The following AGO4 variants were observed in gnomAD, a reference collection of about 807,000 sequenced individuals.
AGO4 encodes the protein argonaute RISC component 4, also known as protein argonaute-4.
AGO4 carries 33 observed loss-of-function variants against 104.7 expected under a neutral mutation model. That is an observed-to-expected ratio of 0.32 (90% CI 0.24 to 0.42). AGO4 has a LOEUF of 0.42. Ranked by LOEUF, AGO4 falls within the 10% of genes least tolerant of loss-of-function variation. The pLI, the probability that AGO4 is intolerant of heterozygous loss-of-function variation, is 1.00. For missense variants in AGO4, 711 were observed against 1,083.4 expected, an observed-to-expected ratio of 0.66 and a Z score of 4.83; for synonymous variants, 331 against 364.7, an observed-to-expected ratio of 0.91 and a Z score of 1.05.
Position 35,855,030 on chromosome 1 carries a change from A to G in AGO4, c.*1425A>G, listed in dbSNP as rs1008222142. ...TGCTCTAAAGCGAGCATCAGTTAAA[A>G]TGTAGGGGAAAATGTATTCTGTATG... On this transcript the variant is annotated 3_prime_UTR_variant, in exon 18 of 18. Coordinates refer to ENST00000373210, the MANE Select transcript of AGO4 (RefSeq NM_017629.4). 7.9e-5 allele frequency: 12 copies of G among 152,672 alleles called. No individual in the cohort carries two copies. The highest frequency in any genetic ancestry group is 2.7e-4 in the African/African-American group (11 of 41,468). The allele number at this position is 152,672 out of a possible 1,614,324, so 9.5% of individuals were successfully genotyped here. A position where few individuals can be genotyped will look rare whatever the true frequency, so the allele number is the denominator to read the frequency against.
chr1:35,810,771 T>C (rs1643473979), intron 1 of AGO4, among the ~76,000 whole-genome samples: 1 of 152,136 alleles, frequency 6.6e-6, no homozygotes, highest in Non-Finnish European at 1.5e-5. Flanking sequence ...CTTCATCTGT[T>C]CTATGTTGTC....
chr1:35,811,512 CACTA>C lies in AGO4; in HGVS notation c.19+3082_19+3085del, dbSNP rs560647723. The stretch of plus-strand genomic sequence containing the variant: ...ACCAACCACCTCAGGGACCTTTGAG[CACTA>C]ACTATGATTATAACGTTTACAAATG... On this transcript the variant is annotated intron_variant, in intron 1 of 17. Coordinates refer to ENST00000373210, the MANE Select transcript of AGO4 (RefSeq NM_017629.4). 1.4e-4 allele frequency among the ~76,000 whole-genome samples: 21 copies of C among 151,756 alleles called. No individual in the cohort carries two copies. The South Asian group carries it at 4.2e-3, about 30-fold the overall frequency.
intron 2 of AGO4, among the ~76,000 whole-genome samples, chr1:35,817,848 C>T (rs548800375): frequency 6.6e-6 from 1 of 152,232 alleles, no homozygotes; most frequent in East Asian, 1.9e-4. Flanking sequence ...TATTGTGTAA[C>T]TGAGATCAAT....
intron 2 of AGO4, among the ~76,000 whole-genome samples, chr1:35,818,644 A>AG (rs1434228927): frequency 9.3e-6 from 1 of 107,482 alleles, no homozygotes; most frequent in East Asian, 2.2e-4. Flanking sequence ...AAAGAAAGAA[A>AG]GAAAGAAAGA....
At chr1:35,838,585 GT>G (rs912993833) in intron 13 of AGO4, among the ~76,000 whole-genome samples, 3 of 151,932 alleles carry the variant, frequency 2.0e-5, no homozygotes, top group Non-Finnish European at 4.4e-5. Flanking sequence ...CCCTTCATAG[GT>G]TTTTTTTGTT....
At chr1:35,827,349 G>A (rs1156720258) in intron 7 of AGO4, among the ~76,000 whole-genome samples, 16 of 152,122 alleles carry the variant, frequency 1.1e-4, no homozygotes, top group South Asian at 2.1e-4. Flanking sequence ...GTGAAACCCC[G>A]TCTCTACTAA....
intron 15 of AGO4, among the ~76,000 whole-genome samples, chr1:35,844,783 G>C (rs185184614): frequency 1.3e-5 from 2 of 152,138 alleles, no homozygotes; most frequent in East Asian, 3.9e-4. Context: ...TATAAAGGTG[G>C]TTTAAATCTT....
intron 15 of AGO4, among the ~76,000 whole-genome samples, chr1:35,847,567 A>G (rs1040170903): frequency 2.6e-5 from 4 of 152,200 alleles, no homozygotes; most frequent in African/African-American, 7.2e-5. Context: ...GGCCACATTC[A>G]AAGCCATCCT....
chr1:35,810,393 C>T (rs78396456), intron 1 of AGO4, among the ~76,000 whole-genome samples: 2,892 of 152,244 alleles, frequency 0.019, 106 homozygotes, highest in African/African-American at 0.065. Flanking sequence ...GCTTTGTGCC[C>T]TCCTCACTTG....
intron 13 of AGO4, among the ~76,000 whole-genome samples, chr1:35,836,703 C>T (rs1353107192): frequency 6.6e-6 from 1 of 152,236 alleles, no homozygotes; most frequent in Non-Finnish European, 1.5e-5. Flanking sequence ...GCCACTGTGC[C>T]CGGCCTTGGA....
In AGO4 at chr1:35,816,886, T is replaced by C; in HGVS notation, c.24T>C (p.Pro8=). MEALGPG[P]PASLFQPPRR... is the part of the protein sequence containing the mutation. ...AATGTCTTTCAATCTCTTTAGGACC[T>C]CCGGCTAGCCTGTTTCAGCCACCTC... The change falls in exon 2 of 18, where the codon CCT becomes CCC. Residue 8 remains proline, a synonymous_variant. Coordinates refer to ENST00000373210, the MANE Select transcript of AGO4 (RefSeq NM_017629.4). 1 of 1,607,718 alleles carries C rather than the reference T, an allele frequency of 6.2e-7. No homozygotes were observed. The highest frequency in any genetic ancestry group is 8.5e-7 in the Non-Finnish European group (1 of 1,176,626).
intron 17 of AGO4, among the ~76,000 whole-genome samples, chr1:35,851,870 G>C (rs72659702): frequency 0.072 from 10,997 of 152,256 alleles, 479 homozygotes; most frequent in African/African-American, 0.11. Context: ...AGATGAGTAA[G>C]ACATGTTTCT....
intron 1 of AGO4, 28 bp from the exon 2 acceptor site, chr1:35,816,850 ATAGC>A: frequency 2.0e-6 from 3 of 1,511,766 alleles, no homozygotes; most frequent in East Asian, 2.3e-5. Context: ...GAAAAAAAAA[ATAGC>A]ACAGCAAATG....
intron 2 of AGO4, among the ~76,000 whole-genome samples, chr1:35,818,208 A>G (rs1335210792): frequency 6.6e-6 from 1 of 152,206 alleles, no homozygotes; most frequent in Admixed American, 6.5e-5. Context: ...ACACGTATGT[A>G]TATGTATATA....
chr1:35,809,279 G>A (rs1335490411), intron 1 of AGO4, among the ~76,000 whole-genome samples: 2 of 152,178 alleles, frequency 1.3e-5, no homozygotes, highest in Non-Finnish European at 2.9e-5. Context: ...TGAGTATTGG[G>A]GCCTGGTGCT....
Position 35,822,942 on chromosome 1 carries a change from A to T in AGO4, c.266A>T (p.Asn89Ile). 6.2e-7 allele frequency: 1 copy of T among 1,614,116 alleles called. No individual in the cohort carries two copies. Among genetic ancestry groups the T allele is most frequent in the Non-Finnish European group, 8.5e-7 (1 of 1,180,000 alleles). Residue 89 changes from asparagine (N) to isoleucine (I), a missense_variant, in exon 3 of 18, where the codon AAC becomes ATC. By Grantham distance (149) the Asn-to-Ile change is moderately radical. Around this residue, in one of 3 missense-constraint regions of AGO4, gnomAD observed 308 missense variants for 397.8 expected, o/e 0.77. Transcript: ENST00000373210. ...DRQPGYDGKRNMYTAHPLPIG... is the reference protein window; with the variant it reads ...DRQPGYDGKRIMYTAHPLPIG... ...CAGCCTGGGTATGATGGCAAAAGAA[A>T]CATGTACACAGCACATCCACTACCA... is the stretch of plus-strand genomic sequence containing the variant.
chr1:35,833,889 C>T (rs1374641980), intron 11 of AGO4, 101 bp from the exon 12 acceptor site: 1 of 1,085,608 alleles, frequency 9.2e-7, no homozygotes, highest in Non-Finnish European at 1.2e-6. Context: ...CTAAATTTGG[C>T]TAAGAATTTA....
Position 35,835,824 on chromosome 1 carries a change from A to G in AGO4, c.1565-10A>G. 6.3e-7 allele frequency: 1 copy of G among 1,579,358 alleles called. No homozygotes were observed. Among genetic ancestry groups the G allele is most frequent in the Non-Finnish European group, 8.6e-7 (1 of 1,168,664 alleles). ...TTAAACATGTTAAAATTAATAAATTATTTTTGTAGCGGAGGTGAAACGTGT... is the reference window on the plus strand; with the variant it reads ...TTAAACATGTTAAAATTAATAAATTGTTTTTGTAGCGGAGGTGAAACGTGT... On this transcript the variant is annotated splice_polypyrimidine_tract_variant and intron_variant, in intron 12 of 17. Coordinates refer to ENST00000373210, the MANE Select transcript of AGO4 (RefSeq NM_017629.4).
chr1:35,834,064 A>G lies in AGO4; in HGVS notation c.1454A>G (p.Lys485Arg). 6.2e-7 allele frequency: 1 copy of G among 1,611,788 alleles called. No homozygotes were observed. The highest frequency in any genetic ancestry group is 8.5e-7 in the Non-Finnish European group (1 of 1,178,978). Residue 485 changes from lysine (K) to arginine (R), a missense_variant, in exon 12 of 18, where the codon AAG becomes AGG. Physicochemically the swap from Lys to Arg is conservative, Grantham distance 26. Transcript: ENST00000373210. ...ATCCAGGGTCAGCCATGTTTCTGCA[A>G]GTATGCACAAGGTGCAGACAGTGTG... ...MPIQGQPCFC[K>R]YAQGADSVEP...
Sources: gnomAD v4.1 joint callset for allele counts (sites outside exome capture counted in the v4.1 genomes callset) on GRCh38, gnomAD v4.1.1 for gene constraint, gnomAD v4.1.1 regional missense constraint, MANE v1.5 for transcripts, NCBI Gene and HGNC (gene_info 2026-07-23, HGNC 2026-07-21) for gene names.